The following MARCHF8 variants were observed in gnomAD, a reference collection of about 807,000 sequenced individuals.
MARCHF8 encodes the protein membrane associated ring-CH-type finger 8, also known as E3 ubiquitin-protein ligase MARCHF8.
Under a neutral mutation model 51.6 loss-of-function variants are expected in MARCHF8, and 40 were observed. That is an observed-to-expected ratio of 0.77 (90% CI 0.60 to 1.01). The LOEUF (loss-of-function observed/expected upper bound fraction) is 1.01, where lower values mean the gene tolerates loss of function less well. Ranked by LOEUF, MARCHF8 falls within the 50% of genes least tolerant of loss-of-function variation. The probability of loss-of-function intolerance (pLI) is 0.00; values close to 1 mark genes in which losing one functional copy is unlikely to be tolerated. For missense variants in MARCHF8, 685 were observed against 708.6 expected, an observed-to-expected ratio of 0.97 and a Z score of 0.38; for synonymous variants, 263 against 280.3, an observed-to-expected ratio of 0.94 and a Z score of 0.62.
At position 45,505,611 on chromosome 10, in the gene MARCHF8, T is replaced by C. The variant is rs541964891; in HGVS notation, c.103-16194A>G. ...ATAACATTAATTGCTTTAGGCCAAT[T>C]AGAGCCATCTGGAGCTACAGGTGAT... On this transcript the variant is annotated intron_variant, in intron 2 of 7. Coordinates refer to ENST00000453424, the MANE Select transcript of MARCHF8 (RefSeq NM_001282866.2). Among the ~76,000 whole-genome samples, 5 of 152,342 alleles carry C rather than the reference T, an allele frequency of 3.3e-5. No individual in the cohort carries two copies. In the East Asian group the frequency reaches 9.6e-4, roughly 29 times the overall value.
At chr10:45,485,523 G>C (rs1478561277) in intron 3 of MARCHF8, among the ~76,000 whole-genome samples, 1 of 152,126 alleles carries the variant, frequency 6.6e-6, no homozygotes, top group Non-Finnish European at 1.5e-5. Flanking sequence ...TTTGAAGAGA[G>C]GCAAGCCACC....
intron 1 of MARCHF8, among the ~76,000 whole-genome samples, chr10:45,590,808 G>T (rs1397165842): frequency 2.6e-5 from 4 of 152,334 alleles, no homozygotes; most frequent in African/African-American, 9.6e-5. Context: ...CAGATCACTT[G>T]AGGTCAGGAG....
chr10:45,488,770 T>C (rs755850998), intron 3 of MARCHF8, among the ~76,000 whole-genome samples: 6 of 152,156 alleles, frequency 3.9e-5, no homozygotes, highest in Non-Finnish European at 7.4e-5. Context: ...GCCTAATAAA[T>C]ATGGAGGGCT....
chr10:45,464,432 T>G, intron 3 of MARCHF8, 105 bp from the exon 4 acceptor site: 1 of 894,280 alleles, frequency 1.1e-6, no homozygotes, highest in South Asian at 1.3e-5. Flanking sequence ...GTCTGCTGCT[T>G]CCCGCTGCTC....
chr10:45,523,539 CAA>C (rs777560374), intron 2 of MARCHF8, among the ~76,000 whole-genome samples: 10 of 152,110 alleles, frequency 6.6e-5, no homozygotes, highest in South Asian at 2.1e-4. Flanking sequence ...TAAATAAAAA[CAA>C]AGAGTGAAAA....
intron 1 of MARCHF8, among the ~76,000 whole-genome samples, chr10:45,586,784 T>A (rs2044623075): frequency 6.6e-6 from 1 of 152,082 alleles, no homozygotes; most frequent in African/African-American, 2.4e-5. Flanking sequence ...ATTTTTTTTT[T>A]ACCGATTTTG....
chr10:45,470,162 C>G (rs191373748), intron 3 of MARCHF8, among the ~76,000 whole-genome samples: 1 of 152,282 alleles, frequency 6.6e-6, no homozygotes, highest in African/African-American at 2.4e-5. Context: ...TAAAACTACA[C>G]AAATGTATCA....
At chr10:45,525,190 G>A (rs1379641103) in intron 2 of MARCHF8, among the ~76,000 whole-genome samples, 1 of 152,130 alleles carries the variant, frequency 6.6e-6, no homozygotes, top group Non-Finnish European at 1.5e-5. Flanking sequence ...TGTGTTTTTA[G>A]AGCAAATACG....
intron 2 of MARCHF8, among the ~76,000 whole-genome samples, chr10:45,512,585 A>C (rs1302388850): frequency 5.2e-4 from 64 of 123,026 alleles, no homozygotes; most frequent in Non-Finnish European, 7.4e-4. Context: ...CCAGCCGCCC[A>C]GTCCGGGAGG....
chr10:45,479,126 T>C (rs2042839797), intron 3 of MARCHF8, among the ~76,000 whole-genome samples: 3 of 152,136 alleles, frequency 2.0e-5, no homozygotes, highest in African/African-American at 7.2e-5. Context: ...CAAATCCAAT[T>C]GCACATCAAA....
chr10:45,485,398 T>C lies in MARCHF8; in HGVS notation c.153+3969A>G, dbSNP rs114621120. ...GCTCAACAAATGATATCCATTAACA[T>C]TGTACTATCAATACAAAATAAGTAT... On this transcript the variant is annotated intron_variant, in intron 3 of 7. Transcript: ENST00000453424. Among the ~76,000 whole-genome samples, 635 of 152,334 alleles carry C rather than the reference T, an allele frequency of 4.2e-3. 3 individuals carry two copies. Among genetic ancestry groups the C allele is most frequent in the African/African-American group, 0.015 (606 of 41,584 alleles).
chr10:45,484,217 T>C (rs2042940491), intron 3 of MARCHF8, among the ~76,000 whole-genome samples: 1 of 152,182 alleles, frequency 6.6e-6, no homozygotes, highest in Non-Finnish European at 1.5e-5. Context: ...TCAAATGTGA[T>C]TTCAGATACT....
At chr10:45,499,311 G>C (rs1161290020) in intron 2 of MARCHF8, among the ~76,000 whole-genome samples, 1 of 152,124 alleles carries the variant, frequency 6.6e-6, no homozygotes, top group African/African-American at 2.4e-5. Context: ...TGAGATGTAG[G>C]AGTTCTTTAT....
chr10:45,492,443 G>A (rs1223765704), intron 2 of MARCHF8, among the ~76,000 whole-genome samples: 5 of 151,906 alleles, frequency 3.3e-5, no homozygotes, highest in African/African-American at 4.8e-5. Context: ...GACTACAGGC[G>A]CCCACCACCA....
At chr10:45,485,688 T>A (rs1342744088) in intron 3 of MARCHF8, among the ~76,000 whole-genome samples, 4 of 152,204 alleles carry the variant, frequency 2.6e-5, no homozygotes, top group Admixed American at 6.5e-5. Flanking sequence ...ATTAAAGGTT[T>A]ATTTTTTACC....
chr10:45,538,329 G>T (rs1294448070), upstream of MARCHF8, among the ~76,000 whole-genome samples: 2 of 152,188 alleles, frequency 1.3e-5, no homozygotes, highest in Non-Finnish European at 1.5e-5. Context: ...ACTAAACATG[G>T]AAAGGAACAA....
At chr10:45,496,253 T>C (rs1051583380) in intron 2 of MARCHF8, among the ~76,000 whole-genome samples, 2 of 152,168 alleles carry the variant, frequency 1.3e-5, no homozygotes, top group Non-Finnish European at 2.9e-5. Context: ...TATAAATGCA[T>C]ATATATTTTG....
chr10:45,463,348 T>C lies in MARCHF8; in HGVS notation c.891A>G (p.Ala297=). The C allele has an allele frequency of 6.4e-7, 1 of 1,550,844 alleles. No homozygotes were observed. The highest frequency in any genetic ancestry group is 8.7e-7 in the Non-Finnish European group (1 of 1,147,040). Residue 297 remains alanine, a synonymous_variant, in exon 5 of 8, where the codon GCA becomes GCG. Transcript: ENST00000453424. ...LHTAKSSSGL[A]GSMGFCSDEM... ...CGTCAGAGCAGAAGCCCATACTCCCTGCCAGCCCGCTGGAGGACTTGGCAG... is the reference window on the plus strand; with the variant it reads ...CGTCAGAGCAGAAGCCCATACTCCCCGCCAGCCCGCTGGAGGACTTGGCAG...
At chr10:45,475,098 C>G (rs1445355363) in intron 3 of MARCHF8, among the ~76,000 whole-genome samples, 1 of 152,224 alleles carries the variant, frequency 6.6e-6, no homozygotes, top group Non-Finnish European at 1.5e-5. Context: ...TGGAACCCCA[C>G]TGATATTCCT....
Sources: gnomAD v4.1 joint callset for allele counts (sites outside exome capture counted in the v4.1 genomes callset) on GRCh38, gnomAD v4.1.1 for gene constraint, MANE v1.5 for transcripts, NCBI Gene and HGNC (gene_info 2026-07-23, HGNC 2026-07-21) for gene names.